The following WDR27 variants were observed in gnomAD, a reference collection of about 807,000 sequenced individuals.
WDR27 encodes WD repeat-containing protein 27.
Under a neutral mutation model 114.4 loss-of-function variants are expected in WDR27, and 100 were observed. The ratio of observed to expected loss-of-function variants is 0.87; its 90% CI spans 0.74 to 1.03. WDR27 has a LOEUF of 1.03. Among genes scored for constraint, WDR27 ranks in the 50% least tolerant of loss-of-function variants. The pLI is 0.00. For synonymous variants in WDR27, 449 were observed against 423.1 expected (o/e 1.06, Z -0.75); for missense variants, 1,129 against 1,092.9 (o/e 1.03, Z -0.47).
intron 21 of WDR27, among the ~76,000 whole-genome samples, chr6:169,624,133 G>GTCAGGTGTGCGGCA (rs141516973): frequency 0.19 from 28,253 of 150,780 alleles, 4,219 homozygotes; most frequent in East Asian, 0.69. Context: ...GGTGTGTGGT[G>GTCAGGTGTGCGGCA]TCAGGTGTGC....
At chr6:169,617,040 C>T (rs534088951) in intron 21 of WDR27, among the ~76,000 whole-genome samples, 33 of 152,256 alleles carry the variant, frequency 2.2e-4, no homozygotes, top group Admixed American at 9.2e-4. Context: ...AAGAGGCTAA[C>T]GCTAGGCTCA....
At chr6:169,478,405 T>C (rs983026418) in intron 25 of WDR27, among the ~76,000 whole-genome samples, 6 of 152,222 alleles carry the variant, frequency 3.9e-5, no homozygotes, top group Non-Finnish European at 8.8e-5. Flanking sequence ...ATACGATTTT[T>C]GCATTTTAAG....
intron 25 of WDR27, among the ~76,000 whole-genome samples, chr6:169,520,812 C>T (rs74348271): frequency 0.06 from 9,092 of 151,690 alleles, 783 homozygotes; most frequent in African/African-American, 0.19. Context: ...AGTTCAAAGA[C>T]AGGTTACCTG....
At chr6:169,697,009 G>A (rs867203369) in intron 1 of WDR27, among the ~76,000 whole-genome samples, 21 of 150,940 alleles carry the variant, frequency 1.4e-4, no homozygotes, top group African/African-American at 4.2e-4. Flanking sequence ...CAGTGTGGGC[G>A]GCAAGCCACC....
At chr6:169,624,103 G>A (rs1411456449) in intron 21 of WDR27, among the ~76,000 whole-genome samples, 1 of 152,052 alleles carries the variant, frequency 6.6e-6, no homozygotes, top group African/African-American at 2.4e-5. Context: ...GTGGCATCAG[G>A]TGTGCCGTGT....
At position 169,516,788 on chromosome 6, in the gene WDR27, AACACACAC is replaced by A. The variant is rs3032851; in HGVS notation, c.2645+55623_2645+55630del. ...TGGCTGAGAGTTAAAGGCATGCTCC[AACACACAC>A]ACACACACACACACACACACACACA... is the stretch of plus-strand genomic sequence containing the variant. On this transcript the variant is annotated intron_variant, in intron 25 of 25. Transcript: ENST00000448612. 1.5e-3 allele frequency among the ~76,000 whole-genome samples: 179 copies of A among 119,324 alleles called. 1 individual carries two copies. The highest frequency in any genetic ancestry group is 3.5e-3 in the African/African-American group (111 of 32,154). 78.3% of individuals were successfully genotyped at this position (119,324 alleles called of 152,430 possible).
At position 169,578,074 on chromosome 6, in the gene WDR27, T is replaced by C. The variant is rs562952478; in HGVS notation, c.2523+4762A>G. Reference sequence around the variant, plus strand: ...AAACGCGTTTCTCTAATGTGTGTTTTATCCTCCTACTGGGAGGTTGGTGTC... The same window carrying C: ...AAACGCGTTTCTCTAATGTGTGTTTCATCCTCCTACTGGGAGGTTGGTGTC... On this transcript the variant is annotated intron_variant, in intron 24 of 25. Coordinates refer to ENST00000448612, the MANE Select transcript of WDR27 (RefSeq NM_182552.5). Among the ~76,000 whole-genome samples the C allele has an allele frequency of 3.2e-4, 49 of 152,346 alleles. No homozygotes were observed. The South Asian group carries it at 9.3e-3, about 29-fold the overall frequency.
downstream of WDR27, among the ~76,000 whole-genome samples, chr6:169,454,735 T>C (rs577269175): frequency 8.3e-4 from 126 of 152,340 alleles, 1 homozygote; most frequent in African/African-American, 2.7e-3. Context: ...TGCCACATGA[T>C]ATGAATCATC....
At chr6:169,617,143 T>C (rs1346789379) in intron 21 of WDR27, among the ~76,000 whole-genome samples, 2 of 152,012 alleles carry the variant, frequency 1.3e-5, no homozygotes, top group Non-Finnish European at 2.9e-5. Context: ...CAGTCACAAA[T>C]GAGCAGCAAG....
intron 6 of WDR27, 103 bp from the exon 7 acceptor site, chr6:169,665,659 AC>A: frequency 9.1e-7 from 1 of 1,096,962 alleles, no homozygotes; most frequent in East Asian, 2.6e-5. Flanking sequence ...ATATTTACTT[AC>A]AGTATTTCTG....
rs1289562932 is a variant in WDR27, at chr6:169,639,564, T to G, written c.1748-904A>C. On this transcript the variant is annotated intron_variant, in intron 17 of 25. Transcript: ENST00000448612. ...TTTTGTCTAAACTCACAATGGCTGC[T>G]TGGATGCTGATTTCTGAGAGCGCCA... Among the ~76,000 whole-genome samples the G allele has an allele frequency of 1.6e-4, 25 of 152,200 alleles. 1 individual carries two copies. The highest frequency in any genetic ancestry group is 1.6e-3 in the Admixed American group (24 of 15,284).
At chr6:169,689,916 A>C (rs948603370) in intron 1 of WDR27, among the ~76,000 whole-genome samples, 2 of 152,196 alleles carry the variant, frequency 1.3e-5, no homozygotes, top group Admixed American at 1.3e-4. Flanking sequence ...TGTGGCGCTC[A>C]TGCTGGTCAT....
intron 25 of WDR27, among the ~76,000 whole-genome samples, chr6:169,479,255 C>T (rs1401034668): frequency 1.3e-5 from 2 of 152,116 alleles, no homozygotes; most frequent in African/African-American, 4.8e-5. Flanking sequence ...CAAAAGAAGA[C>T]ATACAAGTGG....
intron 2 of WDR27, among the ~76,000 whole-genome samples, chr6:169,688,287 A>T (rs903352457): frequency 3.3e-5 from 5 of 152,204 alleles, no homozygotes; most frequent in Non-Finnish European, 7.4e-5. Context: ...GTAATGTATA[A>T]TCACATTTAT....
chr6:169,552,973 GGTGTGTGTGTGTGTGT>G (rs3975497), intron 25 of WDR27, among the ~76,000 whole-genome samples: 8,547 of 61,894 alleles, frequency 0.14, 574 homozygotes, highest in South Asian at 0.34. Context: ...GGGCCTGCCC[GGTGTGTGTGTGTGTGT>G]GTGTGTGTGT....
chr6:169,633,096 C>T, intron 20 of WDR27, 28 bp from the exon 21 acceptor site: 2 of 1,568,252 alleles, frequency 1.3e-6, no homozygotes, highest in South Asian at 1.2e-5. Flanking sequence ...GGGAGCTCTT[C>T]TCAACACTCT....
chr6:169,601,792 A>G (rs1351888866), intron 23 of WDR27, among the ~76,000 whole-genome samples: 1 of 152,262 alleles, frequency 6.6e-6, no homozygotes. Context: ...GCATGCGCAT[A>G]ATGTGGAGGG....
chr6:169,667,848 C>A (rs1043529076), intron 5 of WDR27, 134 bp downstream of exon 5: 4 of 837,678 alleles, frequency 4.8e-6, no homozygotes, highest in Non-Finnish European at 7.2e-6. Context: ...GGATAGCGGG[C>A]GCCTTGCAGA....
intron 25 of WDR27, among the ~76,000 whole-genome samples, chr6:169,550,226 C>T (rs140737831): frequency 2.6e-5 from 4 of 152,198 alleles, no homozygotes; most frequent in East Asian, 3.9e-4. Flanking sequence ...CTGCACATAT[C>T]GTTATAAGAG....
Sources: allele counts gnomAD v4.1 joint callset (sites outside exome capture counted in the v4.1 genomes callset), GRCh38; gene constraint gnomAD v4.1.1; transcripts MANE v1.5; gene names NCBI Gene and HGNC (gene_info 2026-07-23, HGNC 2026-07-21).